P3H2: variants seen among roughly 807,000 people sequenced by gnomAD.
P3H2 encodes the protein leprecan-like 1.
Under a neutral mutation model 87.0 loss-of-function variants are expected in P3H2, and 80 were observed. The observed-to-expected ratio is 0.92, with a 90% CI of 0.77 to 1.11. The LOEUF (loss-of-function observed/expected upper bound fraction) is 1.11, where lower values mean the gene tolerates loss of function less well. Among genes scored for constraint, P3H2 ranks in the 50% least tolerant of loss-of-function variants. The probability of loss-of-function intolerance (pLI) is 0.00; values close to 1 mark genes in which losing one functional copy is unlikely to be tolerated. For missense variants in P3H2, 1,001 were observed against 923.9 expected, an observed-to-expected ratio of 1.08 and a Z score of -1.08; for synonymous variants, 367 against 359.3, an observed-to-expected ratio of 1.02 and a Z score of -0.24.
chr3:190,080,873 C>A (rs2108979210), intron 1 of P3H2, among the ~76,000 whole-genome samples: 1 of 152,282 alleles, frequency 6.6e-6, no homozygotes, highest in Middle Eastern at 3.4e-3. Flanking sequence ...TTCACAGAAA[C>A]CCTCCAGAAC....
At chr3:190,016,617 A>AAAT (rs960935333) in intron 1 of P3H2, among the ~76,000 whole-genome samples, 1 of 152,180 alleles carries the variant, frequency 6.6e-6, no homozygotes, top group Non-Finnish European at 1.5e-5. Flanking sequence ...TGGTTAGAAA[A>AAAT]AATAATAATA....
intron 1 of P3H2, among the ~76,000 whole-genome samples, chr3:190,002,613 C>A (rs943546609): frequency 2.6e-5 from 4 of 152,048 alleles, no homozygotes; most frequent in Admixed American, 2.6e-4. Flanking sequence ...GTTGGCCAAG[C>A]CAGTCTTGAA....
intron 1 of P3H2, among the ~76,000 whole-genome samples, chr3:190,036,989 TAACAAC>T (rs889216697): frequency 1.3e-5 from 2 of 151,958 alleles, no homozygotes; most frequent in African/African-American, 4.8e-5. Flanking sequence ...AATTTTCAAT[TAACAAC>T]AACAACAAAA....
intron 13 of P3H2, among the ~76,000 whole-genome samples, chr3:189,966,125 A>AAGAG (rs1491406792): frequency 3.0e-5 from 1 of 33,444 alleles, no homozygotes; most frequent in Admixed American, 3.9e-4. Context: ...AAGAAAGAAA[A>AAGAG]AGAAAGAAAG....
intron 13 of P3H2, among the ~76,000 whole-genome samples, chr3:189,966,147 G>GAAAGAAAGAA (rs1217176610): frequency 1.4e-5 from 2 of 139,144 alleles, no homozygotes; most frequent in South Asian, 2.3e-4. Flanking sequence ...AAGAAAGAAA[G>GAAAGAAAGAA]AAAGAAAGAA....
intron 11 of P3H2, 46 bp from the exon 12 acceptor site, chr3:189,972,053 A>G (rs1560342076): frequency 1.8e-6 from 2 of 1,138,246 alleles, no homozygotes; most frequent in Non-Finnish European, 2.7e-6. Flanking sequence ...AAGTGCAGCA[A>G]CTTCCACCAA....
At chr3:190,013,163 TATA>T (rs1724647368) in intron 1 of P3H2, among the ~76,000 whole-genome samples, 1 of 152,184 alleles carries the variant, frequency 6.6e-6, no homozygotes, top group Non-Finnish European at 1.5e-5. Flanking sequence ...TTGATATGAA[TATA>T]ATAAGAGATT....
intron 8 of P3H2, among the ~76,000 whole-genome samples, chr3:189,979,638 C>G (rs1278470671): frequency 1.3e-5 from 2 of 152,024 alleles, no homozygotes; most frequent in Non-Finnish European, 1.5e-5. Context: ...CCTACTGACT[C>G]TGGAATCATA....
chr3:190,058,038 T>C (rs1377596043), intron 1 of P3H2, among the ~76,000 whole-genome samples: 1 of 151,974 alleles, frequency 6.6e-6, no homozygotes, highest in African/African-American at 2.4e-5. Context: ...AAAACAGGAT[T>C]GAAAGGGTCT....
chr3:190,071,863 A>G (rs1726707385), intron 1 of P3H2, among the ~76,000 whole-genome samples: 1 of 152,176 alleles, frequency 6.6e-6, no homozygotes, highest in African/African-American at 2.4e-5. Flanking sequence ...CAAATCTAAC[A>G]TAGCAATAAG....
intron 1 of P3H2, among the ~76,000 whole-genome samples, chr3:190,075,377 C>T (rs1384988198): frequency 6.6e-6 from 1 of 151,040 alleles, no homozygotes; most frequent in Non-Finnish European, 1.5e-5. Flanking sequence ...CCCAGCTACT[C>T]GGGAGGCTGA....
At chr3:190,090,932 C>G (rs1247166421) in intron 1 of P3H2, among the ~76,000 whole-genome samples, 7 of 152,154 alleles carry the variant, frequency 4.6e-5, no homozygotes, top group African/African-American at 9.7e-5. Context: ...CCTACTCCCT[C>G]ATCAATACTA....
intron 14 of P3H2, among the ~76,000 whole-genome samples, chr3:189,961,500 AT>A (rs945584438): frequency 1.5e-4 from 23 of 150,150 alleles, no homozygotes; most frequent in Middle Eastern, 3.2e-3. Context: ...ATAGGTAGGC[AT>A]TTTTTTTTTC....
intron 5 of P3H2, 117 bp from the exon 6 acceptor site, chr3:189,986,994 C>T (rs903346383): frequency 2.7e-6 from 2 of 733,122 alleles, no homozygotes; most frequent in South Asian, 3.1e-5. Flanking sequence ...AACAAATATT[C>T]AGAACTGCAA....
chr3:190,057,520 G>C (rs965154023), intron 1 of P3H2, among the ~76,000 whole-genome samples: 3 of 152,070 alleles, frequency 2.0e-5, no homozygotes. Context: ...CTAGTTCCCT[G>C]GAAACAGAAT....
chr3:189,973,751 C>G (rs1416860621), intron 10 of P3H2, among the ~76,000 whole-genome samples, 158 bp downstream of exon 10: 1 of 151,958 alleles, frequency 6.6e-6, no homozygotes, highest in African/African-American at 2.4e-5. Context: ...GTCTCGATCT[C>G]CTGACCTCGT....
chr3:190,066,737 T>C (rs541146880), intron 1 of P3H2, among the ~76,000 whole-genome samples: 2 of 152,284 alleles, frequency 1.3e-5, no homozygotes, highest in East Asian at 3.9e-4. Context: ...TTACTATCTA[T>C]AGTCCAAATT....
intron 10 of P3H2, 64 bp from the exon 11 acceptor site, chr3:189,973,088 C>T: frequency 2.8e-6 from 4 of 1,454,148 alleles, no homozygotes; most frequent in Non-Finnish European, 1.9e-6. Flanking sequence ...GAAAAACAGG[C>T]ACTAGCTTGC....
intron 1 of P3H2, among the ~76,000 whole-genome samples, chr3:190,119,854 A>AAAGAAATGGGAAGTGAGAAGGGAGAAG (rs1712464651): frequency 1.3e-5 from 2 of 151,134 alleles, no homozygotes; most frequent in African/African-American, 2.4e-5. Flanking sequence ...GAGGAGACAA[A>AAAGAAATGGGAAGTGAGAAGGGAGAAG]AGAAATGGGA....
Sources: allele counts gnomAD v4.1 joint callset (sites outside exome capture counted in the v4.1 genomes callset), GRCh38; gene constraint gnomAD v4.1.1; transcripts MANE v1.5; gene names NCBI Gene and HGNC (gene_info 2026-07-23, HGNC 2026-07-21).